CHAF1A: variants seen among roughly 807,000 people sequenced by gnomAD.
CHAF1A encodes chromatin assembly factor 1 subunit A, also known as CAF-1 subunit A.
In CHAF1A, 5 loss-of-function variants were observed where a neutral mutation model predicts 93.2. The ratio of observed to expected loss-of-function variants is 0.05; its 90% CI spans 0.03 to 0.11. CHAF1A has a LOEUF of 0.11. Ranked by LOEUF, CHAF1A falls within the 10% of genes least tolerant of loss-of-function variation. CHAF1A has a pLI of 1.00. For missense variants in CHAF1A, 1,102 were observed against 1,259.9 expected, an observed-to-expected ratio of 0.87 and a Z score of 1.90; for synonymous variants, 504 against 510.3, an observed-to-expected ratio of 0.99 and a Z score of 0.17.
intron 1 of CHAF1A, among the ~76,000 whole-genome samples, 166 bp downstream of exon 1, chr19:4,402,980 C>A (rs1973612217): frequency 6.6e-6 from 1 of 152,212 alleles, no homozygotes; most frequent in Non-Finnish European, 1.5e-5. Context: ...CTGGCGTCCC[C>A]AAGGGCACCC....
rs1239232368 is a variant in CHAF1A at position 4,422,025 on chromosome 19, T to C, written c.1018-541T>C. ...CCTGGCTAATTTTTTTTTTTTTTTT[T>C]ATTAAATGGAGTCTCACTCTGTCAC... On this transcript the variant is annotated intron_variant, in intron 4 of 14. Coordinates refer to ENST00000301280, the MANE Select transcript of CHAF1A (RefSeq NM_005483.3). This position sits in a 1 kb window ranked among gnomAD's most constrained non-coding sequence, Gnocchi z 4.6. 1.3e-5 allele frequency among the ~76,000 whole-genome samples: 2 copies of C among 151,018 alleles called. No homozygotes were observed. Among genetic ancestry groups the C allele is most frequent in the Non-Finnish European group, 3.0e-5 (2 of 67,692 alleles).
At chr19:4,423,281 C>G in intron 5 of CHAF1A, 54 bp from the exon 6 acceptor site, 9 of 1,611,404 alleles carry the variant, frequency 5.6e-6, no homozygotes, top group Non-Finnish European at 7.6e-6. Context: ...GTGCTGCGGT[C>G]CCTTCCAGAG....
intron 4 of CHAF1A, among the ~76,000 whole-genome samples, chr19:4,420,923 G>T (rs1218999473): frequency 6.6e-6 from 1 of 152,078 alleles, no homozygotes; most frequent in Non-Finnish European, 1.5e-5. Context: ...AATTAGCCAG[G>T]TGTGGTGACA....
At position 4,406,026 on chromosome 19, in the gene CHAF1A, G is replaced by T. The variant is rs1214309938; in HGVS notation, c.103+64G>T. On this transcript the variant is annotated intron_variant, in intron 2 of 14. Coordinates refer to ENST00000301280, the MANE Select transcript of CHAF1A (RefSeq NM_005483.3). ...TTATAGTCTTCCTTGTCTCTTGTTG[G>T]AGACCTCAGTGGAAGCCTGGAGCTA... The T allele has an allele frequency of 3.0e-5, 41 of 1,351,890 alleles. No homozygotes were observed. In the East Asian group the frequency reaches 9.2e-4, roughly 30 times the overall value. 83.7% of individuals were successfully genotyped at this position (1,351,890 alleles called of 1,614,324 possible).
intron 13 of CHAF1A, among the ~76,000 whole-genome samples, chr19:4,435,081 T>G (rs1286265299): frequency 7.4e-6 from 1 of 135,052 alleles, no homozygotes; most frequent in Non-Finnish European, 1.5e-5. Flanking sequence ...TTTTTTCTTT[T>G]TTTTCCTTTT....
In CHAF1A at chr19:4,433,058, C is replaced by G; in HGVS notation, c.2204-12C>G. 1 of 1,535,760 alleles carries G rather than the reference C, an allele frequency of 6.5e-7. No individual in the cohort carries two copies. The highest frequency in any genetic ancestry group is 8.8e-7 in the Non-Finnish European group (1 of 1,134,286). ...CCCAAGCCTCATGCCCACCCATGTT[C>G]CCTCCTGCCAGTCCTGGCCCAGCTG... On this transcript the variant is annotated splice_polypyrimidine_tract_variant and intron_variant, in intron 12 of 14. Transcript: ENST00000301280. The surrounding 1 kb of genome is among the most constrained non-coding windows in gnomAD (Gnocchi z 5.6).
Position 4,409,423 on chromosome 19 carries a change from G to A in CHAF1A, c.624G>A (p.Pro208=), listed in dbSNP as rs780512913. 4.3e-6 allele frequency: 7 copies of A among 1,614,032 alleles called. No homozygotes were observed. Among genetic ancestry groups the A allele is most frequent in the African/African-American group, 2.7e-5 (2 of 74,924 alleles). The part of the protein sequence containing the change: ...DSQECSPRSC[P]ELTSGPRMCP... ...AGGAATGTTCGCCACGGAGCTGCCCGGAGCTGACGAGTGGCCCGAGAATGT... is the reference window on the plus strand; with the variant it reads ...AGGAATGTTCGCCACGGAGCTGCCCAGAGCTGACGAGTGGCCCGAGAATGT... Residue 208 remains proline (P), a synonymous_variant, in exon 3 of 15, where the codon CCG becomes CCA. Transcript: ENST00000301280.
intron 13 of CHAF1A, among the ~76,000 whole-genome samples, chr19:4,438,330 TC>T (rs1206113263): frequency 6.6e-6 from 1 of 151,864 alleles, no homozygotes; most frequent in African/African-American, 2.4e-5. Flanking sequence ...CCCAGCTTCA[TC>T]CATGTTCATG....
chr19:4,419,264 C>T (rs1440205762), intron 4 of CHAF1A, among the ~76,000 whole-genome samples: 2 of 152,016 alleles, frequency 1.3e-5, no homozygotes, highest in East Asian at 3.9e-4. Context: ...CCAGGGAAGG[C>T]CTCTGGGCTT....
intron 3 of CHAF1A, among the ~76,000 whole-genome samples, chr19:4,414,029 G>T (rs1266904788): frequency 6.6e-6 from 1 of 152,110 alleles, no homozygotes; most frequent in African/African-American, 2.4e-5. Context: ...GGAATCTTTG[G>T]CTTGCTTCTG....
At chr19:4,438,901 G>T (rs373309616) in intron 13 of CHAF1A, among the ~76,000 whole-genome samples, 1 of 152,208 alleles carries the variant, frequency 6.6e-6, no homozygotes, top group Non-Finnish European at 1.5e-5. Context: ...AGAATGGCAT[G>T]AACCTGGGAG....
At chr19:4,446,634 A>G (rs1014995543), downstream of CHAF1A, 21 of 1,612,420 alleles carry the variant, frequency 1.3e-5, no homozygotes, top group African/African-American at 4.0e-5. Context: ...CGGGCTCCGC[A>G]GCCAGCAGCT....
At chr19:4,448,744 G>A (rs1974594890), downstream of CHAF1A, 2 of 326,878 alleles carry the variant, frequency 6.1e-6, no homozygotes, top group Non-Finnish European at 1.2e-5. Flanking sequence ...TCAGTGCTGA[G>A]ATCCATCAAG....
chr19:4,432,152 G>T lies in CHAF1A; in HGVS notation c.2148G>T (p.Pro716=). The change falls in exon 12 of 15, where the codon CCG becomes CCT. Residue 716 remains proline (P), a synonymous_variant. Transcript: ENST00000301280. ...CAGCCTGCTTCCTGGAGACCCTGCC[G>T]GCCCAGGAGGAGCAGACGCCCAAGG... The part of the protein sequence containing the change: ...QFAACFLETL[P]AQEEQTPKAS... 1 of 1,612,682 alleles carries T rather than the reference G, an allele frequency of 6.2e-7. No individual in the cohort carries two copies. The highest frequency in any genetic ancestry group is 8.5e-7 in the Non-Finnish European group (1 of 1,179,676).
rs565005991 is a variant in CHAF1A, at chr19:4,407,082, G to A, written c.103+1120G>A. On this transcript the variant is annotated intron_variant, in intron 2 of 14. Transcript: ENST00000301280. Reference sequence around the variant, plus strand: ...ACTAAAATACAAAATAGCTGGGCATGGTAGGGGGCACCTGTAGTCCCAGCT... The same window carrying A: ...ACTAAAATACAAAATAGCTGGGCATAGTAGGGGGCACCTGTAGTCCCAGCT... Among the ~76,000 whole-genome samples, 6 of 152,084 alleles carry A rather than the reference G, an allele frequency of 3.9e-5. No individual in the cohort carries two copies. In the South Asian group the frequency reaches 1.2e-3, roughly 32 times the overall value.
chr19:4,432,197 A>G lies in CHAF1A; in HGVS notation c.2193A>G (p.Arg731=). The change falls in exon 12 of 15, where the codon AGA becomes AGG. Residue 731 remains arginine, a synonymous_variant. Coordinates refer to ENST00000301280, the MANE Select transcript of CHAF1A (RefSeq NM_005483.3). ...CCAAGGCCTCCAAGCGGGAGAGGAG[A>G]GACGAGCAGAGTGAGTGTGGGCGGG... is the stretch of plus-strand genomic sequence containing the variant. The part of the protein sequence containing the change: ...QTPKASKRER[R]DEQILAQLLP... 6.2e-7 allele frequency: 1 copy of G among 1,604,868 alleles called. No homozygotes were observed.
At position 4,429,787 on chromosome 19, in the gene CHAF1A, G is replaced by A. The variant is rs773117780; in HGVS notation, c.1853G>A (p.Gly618Glu). The A allele has an allele frequency of 1.2e-6, 2 of 1,611,792 alleles. No individual in the cohort carries two copies. The highest frequency in any genetic ancestry group is 2.2e-5 in the South Asian group (2 of 90,856). ...EPGESLSHSE[G>E]DDDDDMGEDE... ...GGGGAGTCCCTGTCCCACAGTGAGG[G>A]GGTAAGGATGTGCCCCAGCTGTCTT... is the stretch of plus-strand genomic sequence containing the variant. Residue 618 changes from glycine (G) to glutamate (E), a missense_variant and splice_region_variant, in exon 10 of 15, where the codon GGG becomes GAG. Coordinates refer to ENST00000301280, the MANE Select transcript of CHAF1A (RefSeq NM_005483.3).
intron 7 of CHAF1A, among the ~76,000 whole-genome samples, chr19:4,426,599 C>T (rs866938219): frequency 6.6e-6 from 1 of 152,140 alleles, no homozygotes; most frequent in Non-Finnish European, 1.5e-5. Flanking sequence ...CTCAGCCTCC[C>T]GAGTAGCTGA....
At chr19:4,435,030 C>T (rs1405398879) in intron 13 of CHAF1A, among the ~76,000 whole-genome samples, 3 of 148,832 alleles carry the variant, frequency 2.0e-5, no homozygotes, top group African/African-American at 7.4e-5. Context: ...TCATTGCATA[C>T]TTTTTGTCCT....
Sources: allele counts gnomAD v4.1 joint callset (sites outside exome capture counted in the v4.1 genomes callset), GRCh38; gene constraint gnomAD v4.1.1; non-coding constraint Gnocchi (gnomAD v3.1); transcripts MANE v1.5; gene names NCBI Gene and HGNC (gene_info 2026-07-23, HGNC 2026-07-21).